ADGRD1: variants seen among roughly 807,000 people sequenced by gnomAD.
ADGRD1 encodes adhesion G protein-coupled receptor D1.
ADGRD1 carries 77 observed loss-of-function variants against 113.4 expected under a neutral mutation model. The ratio of observed to expected loss-of-function variants is 0.68; its 90% CI spans 0.57 to 0.82. The LOEUF is 0.82. Among genes scored for constraint, ADGRD1 ranks in the 40% least tolerant of loss-of-function variants. The probability of loss-of-function intolerance (pLI) is 0.00; values close to 1 mark genes in which losing one functional copy is unlikely to be tolerated. For missense variants in ADGRD1, 1,036 were observed against 1,139.1 expected, an observed-to-expected ratio of 0.91 and a Z score of 1.30; for synonymous variants, 474 against 475.0, an observed-to-expected ratio of 1.00 and a Z score of 0.03.
chr12:131,082,288 G>A (rs1299573515), intron 14 of ADGRD1, among the ~76,000 whole-genome samples: 1 of 152,090 alleles, frequency 6.6e-6, no homozygotes, highest in Non-Finnish European at 1.5e-5. Context: ...GGGTCATAGG[G>A]CCGTACATAT....
At chr12:131,101,377 C>CTT (rs71095334) in intron 15 of ADGRD1, among the ~76,000 whole-genome samples, 3,274 of 35,838 alleles carry the variant, frequency 0.091, 479 homozygotes, top group Non-Finnish European at 0.12. Context: ...TTCTTTCTTT[C>CTT]TTTTTTTTTT....
rs554283713 is a variant in ADGRD1, at chr12:130,968,860, T to A, written c.187+2314T>A. On this transcript the variant is annotated intron_variant, in intron 3 of 24. Transcript: ENST00000261654. ...TGAGGTCCGAAGAGAAAGTCCAGGG[T>A]GCTCTTGGATGAAAGAGCCCCTCCT... is the stretch of plus-strand genomic sequence containing the variant. 7.7e-6 allele frequency: 5 copies of A among 650,832 alleles called. No homozygotes were observed. In the East Asian group the frequency reaches 1.4e-4, roughly 18 times the overall value. The allele number at this position is 650,832 out of a possible 1,614,324, so 40.3% of individuals were successfully genotyped here.
In ADGRD1 at chr12:130,987,271, G is replaced by A. The variant is rs759367752; in HGVS notation, c.667G>A (p.Gly223Ser). Residue 223 changes from glycine to serine, a missense_variant, in exon 6 of 25, where the codon GGT becomes AGT. Transcript: ENST00000261654. Reference sequence around the variant, plus strand: ...GGACCAGGCCAAGTGTTATGAGAACGGTGCTTTCGATGAGTTCATCATCTG... The same window carrying A: ...GGACCAGGCCAAGTGTTATGAGAACAGTGCTTTCGATGAGTTCATCATCTG... ...EQDQAKCYENGAFDEFIIWER... is the reference protein window; with the variant it reads ...EQDQAKCYENSAFDEFIIWER... 16 of 1,614,206 alleles carry A rather than the reference G, an allele frequency of 9.9e-6. No homozygotes were observed. The highest frequency in any genetic ancestry group is 1.6e-4 in the Middle Eastern group (1 of 6,062).
chr12:131,014,605 G>A (rs557538563), intron 13 of ADGRD1, among the ~76,000 whole-genome samples: 4 of 152,298 alleles, frequency 2.6e-5, no homozygotes, highest in South Asian at 2.1e-4. Flanking sequence ...CGTGTGGAGC[G>A]ATCACGGATC....
In ADGRD1 at chr12:130,965,876, A is replaced by T. The variant is rs1386461810; in HGVS notation, c.104-587A>T. On this transcript the variant is annotated intron_variant, in intron 2 of 24. Transcript: ENST00000261654. The surrounding 1 kb of genome is among the most constrained non-coding windows in gnomAD (Gnocchi z 4.8). ...CCAGGATTAAATTGAGAAAGTGAGT[A>T]TTGCGTCTACAATGAGCTGGCAGTG... Among the ~76,000 whole-genome samples the T allele has an allele frequency of 6.6e-6, 1 of 152,168 alleles. No individual in the cohort carries two copies. The highest frequency in any genetic ancestry group is 1.5e-5 in the Non-Finnish European group (1 of 68,028).
At chr12:130,999,990 C>T (rs776508934) in intron 8 of ADGRD1, among the ~76,000 whole-genome samples, 2 of 152,174 alleles carry the variant, frequency 1.3e-5, no homozygotes, top group African/African-American at 2.4e-5. Flanking sequence ...AGTGCTTCCA[C>T]GTCAGTTTGG....
rs187325599 is a variant in ADGRD1, at chr12:130,971,134, C to T, written c.188-324C>T. On this transcript the variant is annotated intron_variant, in intron 3 of 24. Transcript: ENST00000261654. This position sits in a 1 kb window ranked among gnomAD's most constrained non-coding sequence, Gnocchi z 4.2. ...ATATCACAATTATCACATCATCATA[C>T]GATATGATATGCAATATGAAATCCA... 3.8e-5 allele frequency: 6 copies of T among 158,278 alleles called. No individual in the cohort carries two copies. The highest frequency in any genetic ancestry group is 1.3e-4 in the Admixed American group (2 of 15,410). 9.8% of individuals were successfully genotyped at this position (158,278 alleles called of 1,614,324 possible).
At chr12:130,997,426 AGGGGCTCCTCACTTCTCAGACGGGGCG>A (rs1875705495) in intron 8 of ADGRD1, among the ~76,000 whole-genome samples, 2 of 137,508 alleles carry the variant, frequency 1.5e-5, no homozygotes, top group South Asian at 2.4e-4. Flanking sequence ...TGCCGGGCGG[AGGGGCTCCTCACTTCTCAGACGGGGCG>A]GTTGCCAGGC....
In ADGRD1 at chr12:131,014,199, G is replaced by C. The variant is rs1878276632; in HGVS notation, c.1332G>C (p.Lys444Asn). The C allele has an allele frequency of 6.2e-7, 1 of 1,613,624 alleles. No homozygotes were observed. Among genetic ancestry groups the C allele is most frequent in the Non-Finnish European group, 8.5e-7 (1 of 1,179,778 alleles). ...YLNNIWPAHT[K>N]IAEAMHHQDC... ...GTAATGATTTCCGTCTCTTCCCAAG[G>C]ATCGCGGAGGCCATGCATCACCAGG... The change falls in exon 13 of 25, where the codon AAG becomes AAC. Residue 444 changes from lysine to asparagine, a missense_variant and splice_region_variant. Physicochemically the swap from Lys to Asn is moderately conservative, Grantham distance 94. Coordinates refer to ENST00000261654, the MANE Select transcript of ADGRD1 (RefSeq NM_198827.5).
At position 130,992,285 on chromosome 12, in the gene ADGRD1, A is replaced by G. The variant is rs973833307; in HGVS notation, c.859A>G (p.Arg287Gly). 1.9e-5 allele frequency: 31 copies of G among 1,613,830 alleles called. 2 individuals are homozygous for G. Among genetic ancestry groups the G allele is most frequent in the African/African-American group, 1.7e-4 (13 of 75,006 alleles). Residue 287 changes from arginine to glycine, a missense_variant, in exon 8 of 25, where the codon AGA (arginine) becomes GGA (glycine). By Grantham distance (125) the Arg-to-Gly change is moderately radical. Coordinates refer to ENST00000261654, the MANE Select transcript of ADGRD1 (RefSeq NM_198827.5). ...HPIITNLTEERKTFQSPGVIL... is the reference protein window; with the variant it reads ...HPIITNLTEEGKTFQSPGVIL... ...CATCATAACCAACCTGACAGAAGAG[A>G]GAAAAACCTTCCAAAGTCCCGGAGT...
chr12:130,975,640 G>C (rs970741794), intron 4 of ADGRD1, among the ~76,000 whole-genome samples: 1 of 152,196 alleles, frequency 6.6e-6, no homozygotes, highest in African/African-American at 2.4e-5. Context: ...GTCATTTCCA[G>C]CATCAAGGTG....
rs111952370 is a variant in ADGRD1, at chr12:131,066,208, A to G, written c.1474-10593A>G. On this transcript the variant is annotated intron_variant, in intron 13 of 24. Coordinates refer to ENST00000261654, the MANE Select transcript of ADGRD1 (RefSeq NM_198827.5). ...GGATTGTGACCGCTACAAGATTTGA[A>G]TATTTTTAGAAAACAATAATCCTGG... Among the ~76,000 whole-genome samples, 949 of 152,310 alleles carry G rather than the reference A, an allele frequency of 6.2e-3. 15 individuals carry two copies. The highest frequency in any genetic ancestry group is 0.036 in the Admixed American group (550 of 15,308).
At chr12:130,997,454 G>C (rs1347616685) in intron 8 of ADGRD1, among the ~76,000 whole-genome samples, 15 of 142,568 alleles carry the variant, frequency 1.1e-4, no homozygotes, top group Non-Finnish European at 2.2e-4. Flanking sequence ...AGACGGGGCG[G>C]TTGCCAGGCG....
At chr12:131,037,078 CGGGTCTCACTCACTGCACT>C (rs1881542266) in intron 13 of ADGRD1, among the ~76,000 whole-genome samples, 6 of 126,520 alleles carry the variant, frequency 4.7e-5, no homozygotes, top group South Asian at 2.8e-4. Context: ...CTCACTGCAC[CGGGTCTCACTCACTGCACT>C]GGGCCTCACT....
rs147757048 is a variant in ADGRD1, at chr12:131,004,272, C to T, written c.1231C>T (p.Pro411Ser). The change falls in exon 11 of 25, where the codon CCC (proline) becomes TCC (serine). Residue 411 changes from proline (P) to serine (S), a missense_variant. Physicochemically the swap from Pro to Ser is moderately conservative, Grantham distance 74. Coordinates refer to ENST00000261654, the MANE Select transcript of ADGRD1 (RefSeq NM_198827.5). ...CCACGGGCAGAGCTTCATCCAGATCCCCCACGAGGCCTTCCACAGGCACGG... is the reference window on the plus strand; with the variant it reads ...CCACGGGCAGAGCTTCATCCAGATCTCCCACGAGGCCTTCCACAGGCACGG... The part of the protein sequence containing the change: ...PAHGQSFIQI[P>S]HEAFHRHAWS... The T allele has an allele frequency of 7.4e-6, 12 of 1,613,094 alleles. No homozygotes were observed. The Admixed American group carries it at 1.7e-4, about 22-fold the overall frequency.
At position 130,971,719 on chromosome 12, in the gene ADGRD1, G is replaced by C; in HGVS notation, c.310+139G>C. On this transcript the variant is annotated intron_variant, in intron 4 of 24. Transcript: ENST00000261654. The surrounding 1 kb of genome is among the most constrained non-coding windows in gnomAD (Gnocchi z 4.2). Reference sequence around the variant, plus strand: ...TGAGAATGTCAACGATGGATCGGAGGGCAGGGGAGGGAGGAATACAGGCAA... The same window carrying C: ...TGAGAATGTCAACGATGGATCGGAGCGCAGGGGAGGGAGGAATACAGGCAA... 1 of 857,876 alleles carries C rather than the reference G, an allele frequency of 1.2e-6. No homozygotes were observed. Among genetic ancestry groups the C allele is most frequent in the South Asian group, 2.2e-5 (1 of 45,246 alleles). 53.1% of individuals were successfully genotyped at this position (857,876 alleles called of 1,614,324 possible).
chr12:131,141,057 C>G lies in ADGRD1; in HGVS notation c.*1794C>G, dbSNP rs1951232855. ...ATGGACCACAGTGCCAGATCCTCAT[C>G]ACGCCGGTGAGCACCTAGAAGTGAG... On this transcript the variant is annotated 3_prime_UTR_variant, in exon 25 of 25. Transcript: ENST00000261654. 1 of 152,274 alleles carries G rather than the reference C, an allele frequency of 6.6e-6. No homozygotes were observed. The highest frequency in any genetic ancestry group is 1.5e-5 in the Non-Finnish European group (1 of 68,054). 9.4% of individuals were successfully genotyped at this position (152,274 alleles called of 1,614,324 possible). A position where few individuals can be genotyped will look rare whatever the true frequency, so the allele number is the denominator to read the frequency against.
chr12:131,104,621 C>G (rs1267265894), intron 15 of ADGRD1, among the ~76,000 whole-genome samples: 4 of 152,058 alleles, frequency 2.6e-5, no homozygotes, highest in Admixed American at 2.6e-4. Flanking sequence ...CACCTCGGGG[C>G]ACCGGACATG....
chr12:131,043,409 T>G (rs1022030160), intron 13 of ADGRD1, among the ~76,000 whole-genome samples: 2 of 152,150 alleles, frequency 1.3e-5, no homozygotes, highest in African/African-American at 4.8e-5. Context: ...AACCATCCCT[T>G]TGGGTGCATA....
Sources: gnomAD v4.1 joint callset for allele counts (sites outside exome capture counted in the v4.1 genomes callset) on GRCh38, gnomAD v4.1.1 for gene constraint, Gnocchi (gnomAD v3.1) non-coding constraint, MANE v1.5 for transcripts, NCBI Gene and HGNC (gene_info 2026-07-23, HGNC 2026-07-21) for gene names.